Variants in FAM120C observed in about 807,000 individuals in gnomAD.
FAM120C encodes constitutive coactivator of PPAR-gamma-like protein 2.
A neutral mutation model predicts 71.2 loss-of-function variants in FAM120C; 14 were observed. The observed-to-expected ratio is 0.20, with a 90% CI of 0.13 to 0.31. The LOEUF (loss-of-function observed/expected upper bound fraction) is 0.31. FAM120C is among the 10% of genes least tolerant of loss of function. The pLI is 1.00. For synonymous variants in FAM120C, 354 were observed against 353.2 expected (o/e 1.00, Z -0.03); for missense variants, 500 against 879.0 (o/e 0.57, Z 5.45).
At chrX:54,137,602 C>T (rs2039155087) in intron 4 of FAM120C, among the ~76,000 whole-genome samples, 1 of 111,611 alleles carries the variant, frequency 9.0e-6, no homozygotes, top group African/African-American at 3.3e-5. Context: ...GTAAGTTATA[C>T]AGCAAAGAGT....
intron 8 of FAM120C, 150 bp from the exon 9 acceptor site, chrX:54,133,013 C>G (rs2067075844): frequency 2.4e-6 from 1 of 421,861 alleles, no homozygotes; most frequent in South Asian, 9.1e-5. Flanking sequence ...GAAGCTGTAA[C>G]AAGCTTAGCT....
Position 54,127,645 on chromosome X carries a change from G to T in FAM120C, c.2062+5047C>A, listed in dbSNP as rs188314606. On this transcript the variant is annotated intron_variant, in intron 9 of 15. Coordinates refer to ENST00000375180, the MANE Select transcript of FAM120C (RefSeq NM_017848.6). ...CTGTTACCCAGGCTGGAGTGCAATG[G>T]AGTGGAGTGATCACAGCTCACTGCA... Among the ~76,000 whole-genome samples the T allele has an allele frequency of 2.8e-4, 30 of 108,080 alleles. No individual in the cohort carries two copies. The South Asian group carries it at 5.4e-3, about 20-fold the overall frequency. 93.9% of individuals were successfully genotyped at this position (108,080 alleles called of 115,157 possible).
chrX:54,078,178 C>T (rs182505378), intron 15 of FAM120C, among the ~76,000 whole-genome samples: 1,730 of 106,231 alleles, frequency 0.016, 17 homozygotes, highest in Non-Finnish European at 0.024. Flanking sequence ...CTCCTGACCT[C>T]GTGATCCGCC....
At chrX:54,107,080 T>C (rs1358015841) in intron 10 of FAM120C, among the ~76,000 whole-genome samples, 3 of 110,289 alleles carry the variant, frequency 2.7e-5, no homozygotes, top group Non-Finnish European at 3.8e-5. Context: ...AATGAGCTAT[T>C]ATATGTATTT....
Position 54,132,800 on chromosome X carries a change from G to C in FAM120C, c.1954C>G (p.Leu652Val), listed in dbSNP as rs1317034626. 5.8e-6 allele frequency: 7 copies of C among 1,207,495 alleles called. No homozygotes were observed. The highest frequency in any genetic ancestry group is 7.8e-6 in the Non-Finnish European group (7 of 894,004). ...TATTGACGAGCTGACCGGAATAAGA[G>C]AGCAGCTGGAGGCAGCTCCATGTTA... is the stretch of plus-strand genomic sequence containing the variant. ...ECNMELPPAALLFRSARQYVY... is the reference protein window; with the variant it reads ...ECNMELPPAAVLFRSARQYVY... Residue 652 changes from leucine (L) to valine (V), a missense_variant, in exon 9 of 16, where the codon CTC becomes GTC. Leu to Val is a conservative substitution (Grantham distance 32). Transcript: ENST00000375180.
chrX:54,069,763 G>T lies in FAM120C; in HGVS notation c.*3270C>A. ...TTTAAAGTCTACCCAAAGTCCTACT[G>T]GCTCAGAATGAAAATGATGCAAGTG... On this transcript the variant is annotated 3_prime_UTR_variant, in exon 16 of 16. Transcript: ENST00000375180. 1 of 113,496 alleles carries T rather than the reference G, an allele frequency of 8.8e-6. No individual in the cohort carries two copies. 9.4% of individuals were successfully genotyped at this position (113,496 alleles called of 1,213,427 possible).
At chrX:54,134,131 G>T in intron 7 of FAM120C, 85 bp from the exon 8 acceptor site, 1 of 981,847 alleles carries the variant, frequency 1.0e-6, no homozygotes, top group Non-Finnish European at 1.4e-6. Context: ...CTGGACCCAA[G>T]GGGTCTCACA....
At chrX:54,168,881 CTCTTT>C (rs2067273568) in intron 1 of FAM120C, among the ~76,000 whole-genome samples, 1 of 112,350 alleles carries the variant, frequency 8.9e-6, no homozygotes, top group African/African-American at 3.2e-5. Flanking sequence ...CCCCCTCCCT[CTCTTT>C]TATTTAAACA....
intron 11 of FAM120C, among the ~76,000 whole-genome samples, chrX:54,090,357 G>A (rs1047211135): frequency 1.6e-4 from 17 of 109,283 alleles, no homozygotes; most frequent in Non-Finnish European, 2.3e-4. Context: ...TCAGCCTCCC[G>A]AGTAGCTGGG....
intron 1 of FAM120C, among the ~76,000 whole-genome samples, chrX:54,176,224 G>A (rs2067316665): frequency 9.0e-6 from 1 of 110,972 alleles, no homozygotes; most frequent in Non-Finnish European, 1.9e-5. Flanking sequence ...CCTGAGGTCA[G>A]GAGTTCGAAA....
intron 10 of FAM120C, among the ~76,000 whole-genome samples, chrX:54,106,891 C>A (rs868959704): frequency 2.2e-4 from 24 of 111,496 alleles, no homozygotes; most frequent in Middle Eastern, 9.4e-3. Flanking sequence ...ATTAAAAAGT[C>A]AGGAAACAAC....
intron 10 of FAM120C, among the ~76,000 whole-genome samples, chrX:54,113,110 A>C (rs1557126009): frequency 9.0e-6 from 1 of 111,456 alleles, no homozygotes; most frequent in Non-Finnish European, 1.9e-5. Context: ...AAAATCCTAG[A>C]AGAAAACCTA....
intron 1 of FAM120C, chrX:54,171,463 T>C (rs1947862984): frequency 8.9e-6 from 1 of 112,439 alleles, no homozygotes; most frequent in Non-Finnish European, 1.9e-5. Context: ...TGGGTGTTTA[T>C]ACATGCAAAA....
chrX:54,161,348 T>C (rs190558481), intron 1 of FAM120C, among the ~76,000 whole-genome samples: 4 of 111,602 alleles, frequency 3.6e-5, no homozygotes, highest in Admixed American at 2.9e-4. Flanking sequence ...TAAGATGCCA[T>C]ACTCAGAGCT....
chrX:54,135,151 A>G (rs782174640), intron 6 of FAM120C, 40 bp from the exon 7 acceptor site: 1 of 1,146,753 alleles, frequency 8.7e-7, no homozygotes, highest in East Asian at 3.0e-5. Flanking sequence ...TTAACATTTT[A>G]TAAGGCTCCA....
Position 54,182,506 on chromosome X carries a change from C to T in FAM120C, c.693G>A (p.Arg231=). The T allele has an allele frequency of 1.7e-6, 2 of 1,207,143 alleles. No homozygotes were observed. Among genetic ancestry groups the T allele is most frequent in the Non-Finnish European group, 2.2e-6 (2 of 893,188 alleles). Residue 231 remains arginine (R), a synonymous_variant, in exon 1 of 16, where the codon CGG becomes CGA. Transcript: ENST00000375180. Reference sequence around the variant, plus strand: ...GATCCGGCCCCTCCCTCACCTTGACCCGGAAGCGGATGAGTGCTAGCCTCA... The same window carrying T: ...GATCCGGCCCCTCCCTCACCTTGACTCGGAAGCGGATGAGTGCTAGCCTCA... ...HCVRLALIRF[R]VKVFQSLEDH... is the part of the protein sequence containing the mutation.
intron 9 of FAM120C, among the ~76,000 whole-genome samples, chrX:54,130,110 AGGGAGAGGGAGAGGGAGACCGTG>A (rs2067058126): frequency 6.3e-5 from 1 of 15,789 alleles, no homozygotes; most frequent in African/African-American, 2.8e-4. Flanking sequence ...GGAGAGGGAG[AGGGAGAGGGAGAGGGAGACCGTG>A]GGGAGAGGGA....
chrX:54,178,736 A>G (rs1248385609), intron 1 of FAM120C, among the ~76,000 whole-genome samples: 1 of 112,044 alleles, frequency 8.9e-6, no homozygotes, highest in Non-Finnish European at 1.9e-5. Flanking sequence ...TGGTAAGTAA[A>G]CAATCAGGAG....
intron 12 of FAM120C, among the ~76,000 whole-genome samples, chrX:54,086,754 CAAAAAAAAAAA>C (rs60485302): frequency 1.7e-5 from 1 of 58,159 alleles, no homozygotes; most frequent in Non-Finnish European, 2.9e-5. Flanking sequence ...GAATCTGTCT[CAAAAAAAAAAA>C]AAAAAAAAAG....
Sources: allele counts gnomAD v4.1 joint callset (sites outside exome capture counted in the v4.1 genomes callset), GRCh38; gene constraint gnomAD v4.1.1; transcripts MANE v1.5; gene names NCBI Gene and HGNC (gene_info 2026-07-23, HGNC 2026-07-21).